The following EPHA6 variants were observed in gnomAD, a reference collection of about 807,000 sequenced individuals.
EPHA6 encodes ephrin type-A receptor 6.
In EPHA6, 50 loss-of-function variants were observed where a neutral mutation model predicts 112.0. The observed-to-expected ratio is 0.45, with a 90% CI of 0.36 to 0.56. The LOEUF (loss-of-function observed/expected upper bound fraction) is 0.56. Among genes scored for constraint, EPHA6 ranks in the 20% least tolerant of loss-of-function variants. EPHA6 has a pLI of 0.00. For missense variants in EPHA6, 1,280 were observed against 1,417.4 expected, an observed-to-expected ratio of 0.90 and a Z score of 1.56; for synonymous variants, 529 against 490.7, an observed-to-expected ratio of 1.08 and a Z score of -1.03.
intron 2 of EPHA6, among the ~76,000 whole-genome samples, chr3:96,884,693 A>G (rs971602551): frequency 7.9e-5 from 12 of 152,188 alleles, no homozygotes; most frequent in African/African-American, 2.9e-4. Context: ...CTTCTTCTTT[A>G]CCGATTTGGA....
intron 14 of EPHA6, among the ~76,000 whole-genome samples, chr3:97,644,277 G>A (rs865906467): frequency 2.5e-4 from 37 of 149,102 alleles, no homozygotes; most frequent in Middle Eastern, 3.4e-3. Flanking sequence ...TCTCTGGGAC[G>A]CATTCAAAGC....
At chr3:96,871,322 A>G (rs1296805096) in intron 2 of EPHA6, among the ~76,000 whole-genome samples, 1 of 152,028 alleles carries the variant, frequency 6.6e-6, no homozygotes, top group African/African-American at 2.4e-5. Context: ...TATTAGAAGG[A>G]TGAAATTATG....
intron 12 of EPHA6, chr3:97,606,177 A>G (rs1368983965): frequency 1.3e-5 from 2 of 151,312 alleles, no homozygotes; most frequent in Non-Finnish European, 3.0e-5. Flanking sequence ...CCTACTATAC[A>G]CCCCATGAGA....
chr3:97,727,324 G>A (rs573842391), intron 15 of EPHA6, among the ~76,000 whole-genome samples: 5 of 152,164 alleles, frequency 3.3e-5, no homozygotes, highest in African/African-American at 1.2e-4. Flanking sequence ...TATAGGTGAT[G>A]TGGTCAGAAA....
At chr3:97,060,848 C>T (rs564666999) in intron 3 of EPHA6, among the ~76,000 whole-genome samples, 4 of 136,548 alleles carry the variant, frequency 2.9e-5, no homozygotes, top group East Asian at 2.3e-4. Flanking sequence ...GGCGTGAACC[C>T]GGGAGGCGGA....
intron 3 of EPHA6, among the ~76,000 whole-genome samples, chr3:97,123,240 TA>T (rs1368158950): frequency 6.6e-6 from 1 of 152,096 alleles, no homozygotes; most frequent in Non-Finnish European, 1.5e-5. Context: ...TTATTTTCTT[TA>T]AAAATTCAGT....
At chr3:97,645,645 C>T (rs1278630438) in intron 14 of EPHA6, among the ~76,000 whole-genome samples, 1 of 151,404 alleles carries the variant, frequency 6.6e-6, no homozygotes, top group Non-Finnish European at 1.5e-5. Flanking sequence ...TGCACATGTA[C>T]CCTAAAACTT....
chr3:97,066,786 T>C (rs2046191418), intron 3 of EPHA6, among the ~76,000 whole-genome samples: 3 of 152,204 alleles, frequency 2.0e-5, no homozygotes, highest in Admixed American at 6.6e-5. Flanking sequence ...TTAATGATGC[T>C]AACTCAAAAG....
intron 6 of EPHA6, among the ~76,000 whole-genome samples, chr3:97,418,162 C>A (rs747199490): frequency 6.6e-6 from 1 of 150,924 alleles, no homozygotes; most frequent in Non-Finnish European, 1.5e-5. Flanking sequence ...TAAGAAAAAA[C>A]TCAATAAATA....
chr3:96,874,053 G>A (rs893802908), intron 2 of EPHA6, among the ~76,000 whole-genome samples: 13 of 152,174 alleles, frequency 8.5e-5, no homozygotes, highest in Admixed American at 7.2e-4. Flanking sequence ...CCAAAGCCAA[G>A]ACTTTAGTCA....
chr3:97,476,434 A>C (rs1036131098), intron 8 of EPHA6, among the ~76,000 whole-genome samples: 55 of 152,172 alleles, frequency 3.6e-4, no homozygotes, highest in African/African-American at 1.3e-3. Context: ...ACCCTGCCAG[A>C]AAACATTGGT....
chr3:97,291,776 C>CT lies in EPHA6; in HGVS notation c.1606+47494dup, dbSNP rs528870886. Among the ~76,000 whole-genome samples the CT allele has an allele frequency of 2.0e-5, 3 of 152,270 alleles. No individual in the cohort carries two copies. The South Asian group carries it at 6.2e-4, about 32-fold the overall frequency. ...CCTTTATTCTATAATGACCTTGTCT[C>CT]TTTTTACTGCTTTTGACTTAAAGTC... On this transcript the variant is annotated intron_variant, in intron 5 of 17. Transcript: ENST00000389672.
At chr3:97,492,629 A>G (rs1384155857) in intron 10 of EPHA6, among the ~76,000 whole-genome samples, 1 of 144,008 alleles carries the variant, frequency 6.9e-6, no homozygotes, top group African/African-American at 2.5e-5. Flanking sequence ...CTCAAGCGGG[A>G]AGCTAAGGAA....
At chr3:97,481,913 C>T (rs2091563938) in intron 9 of EPHA6, among the ~76,000 whole-genome samples, 1 of 152,154 alleles carries the variant, frequency 6.6e-6, no homozygotes, top group African/African-American at 2.4e-5. Context: ...AAAGGTGCTC[C>T]TGAGGCATTT....
rs77612500 is a variant in EPHA6, at chr3:97,465,588, G to A, written c.1895-9764G>A. 9.6e-3 allele frequency among the ~76,000 whole-genome samples: 1,461 copies of A among 152,138 alleles called. 24 individuals carry two copies. The highest frequency in any genetic ancestry group is 0.034 in the African/African-American group (1,395 of 41,528). ...AAATAGTTTGGTGTTCTTCAGAACA[G>A]GCTTCAAACAATGATCCAAAAGCTT... On this transcript the variant is annotated intron_variant, in intron 7 of 17. Transcript: ENST00000389672.
intron 6 of EPHA6, among the ~76,000 whole-genome samples, chr3:97,419,357 C>A (rs1394708340): frequency 6.6e-6 from 1 of 152,048 alleles, no homozygotes; most frequent in Non-Finnish European, 1.5e-5. Context: ...GGCACGGTGG[C>A]TTACGTCTGT....
intron 3 of EPHA6, among the ~76,000 whole-genome samples, chr3:97,133,273 A>G (rs1160500052): frequency 2.0e-5 from 3 of 152,070 alleles, no homozygotes; most frequent in African/African-American, 7.2e-5. Flanking sequence ...GGTGCAGTCA[A>G]TGTTTGACAA....
intron 11 of EPHA6, among the ~76,000 whole-genome samples, chr3:97,566,064 TGCGACTGTAC>T (rs1417515268): frequency 2.0e-4 from 31 of 151,414 alleles, no homozygotes; most frequent in Non-Finnish European, 1.0e-4. Flanking sequence ...CTCACAGTTC[TGCGACTGTAC>T]AAGCATGGCA....
chr3:97,240,699 C>G (rs1035718732), intron 4 of EPHA6, among the ~76,000 whole-genome samples: 7 of 151,878 alleles, frequency 4.6e-5, no homozygotes, highest in Admixed American at 4.6e-4. Context: ...CTGTGTCAGA[C>G]TTTATTTAAG....
Sources: allele counts gnomAD v4.1 joint callset (sites outside exome capture counted in the v4.1 genomes callset), GRCh38; gene constraint gnomAD v4.1.1; transcripts MANE v1.5; gene names NCBI Gene and HGNC (gene_info 2026-07-23, HGNC 2026-07-21).